The following RHOT1 variants were observed in gnomAD, a reference collection of about 807,000 sequenced individuals.
RHOT1 encodes the protein mitochondrial Rho GTPase 1.
Under a neutral mutation model 95.3 loss-of-function variants are expected in RHOT1, and 27 were observed. That is an observed-to-expected ratio of 0.28 (90% CI 0.21 to 0.39). RHOT1 has a LOEUF of 0.39. Among genes scored for constraint, RHOT1 ranks in the 10% least tolerant of loss-of-function variants. RHOT1 has a pLI of 1.00. For synonymous variants in RHOT1, 227 were observed against 263.5 expected (o/e 0.86, Z 1.34); for missense variants, 578 against 786.7 (o/e 0.73, Z 3.17).
At chr17:32,198,919 T>A in intron 11 of RHOT1, 28 bp from the exon 12 acceptor site, 1 of 1,430,570 alleles carries the variant, frequency 7.0e-7, no homozygotes, top group Non-Finnish European at 9.8e-7. Flanking sequence ...GATTAATGAT[T>A]TATTTTACTC....
At chr17:32,206,849 C>A in intron 16 of RHOT1, 61 bp from the exon 17 acceptor site, 2 of 1,194,588 alleles carry the variant, frequency 1.7e-6, no homozygotes, top group South Asian at 1.4e-5. Context: ...AATAAGCTAT[C>A]ATGACTTAAT....
At chr17:32,188,236 A>G (rs536558577) in intron 8 of RHOT1, among the ~76,000 whole-genome samples, 1 of 152,376 alleles carries the variant, frequency 6.6e-6, no homozygotes, top group Non-Finnish European at 1.5e-5. Flanking sequence ...ATGGGAAAGC[A>G]GATAAATATT....
At chr17:32,174,031 A>T in intron 3 of RHOT1, 119 bp downstream of exon 3, 1 of 722,016 alleles carries the variant, frequency 1.4e-6, no homozygotes, top group South Asian at 1.8e-5. Context: ...GCAGTAAATG[A>T]TCCTTTACGA....
intron 19 of RHOT1, among the ~76,000 whole-genome samples, chr17:32,219,893 C>T (rs2038719130): frequency 6.6e-6 from 1 of 152,110 alleles, no homozygotes; most frequent in African/African-American, 2.4e-5. Flanking sequence ...GATCTTATTC[C>T]ACATAGAGTA....
At chr17:32,192,067 T>A in intron 8 of RHOT1, 134 bp from the exon 9 acceptor site, 2 of 576,572 alleles carry the variant, frequency 3.5e-6, no homozygotes, top group South Asian at 4.9e-5. Context: ...GCATATAAAG[T>A]AAATGGCTTT....
intron 1 of RHOT1, among the ~76,000 whole-genome samples, chr17:32,149,712 T>A (rs1161555894): frequency 7.3e-6 from 1 of 136,414 alleles, no homozygotes; most frequent in East Asian, 2.2e-4. Flanking sequence ...TATACACACA[T>A]ACACATATAT....
At chr17:32,167,993 C>T (rs2034238235) in intron 1 of RHOT1, among the ~76,000 whole-genome samples, 1 of 151,840 alleles carries the variant, frequency 6.6e-6, no homozygotes, top group Admixed American at 6.6e-5. Flanking sequence ...ATGATCATCC[C>T]ACTATGCTCT....
intron 11 of RHOT1, among the ~76,000 whole-genome samples, chr17:32,197,532 T>G (rs1429623691): frequency 6.6e-6 from 1 of 151,932 alleles, no homozygotes; most frequent in Non-Finnish European, 1.5e-5. Context: ...TCATCGACAT[T>G]CTCCTACCTC....
intron 1 of RHOT1, among the ~76,000 whole-genome samples, chr17:32,167,705 C>A (rs1424089360): frequency 6.6e-6 from 1 of 152,182 alleles, no homozygotes; most frequent in East Asian, 1.9e-4. Context: ...GATATCTGCT[C>A]TCTAGCTATC....
chr17:32,158,673 T>A (rs1344703149), intron 1 of RHOT1, among the ~76,000 whole-genome samples: 1 of 151,966 alleles, frequency 6.6e-6, no homozygotes, highest in Non-Finnish European at 1.5e-5. Context: ...TTGGCCAGGC[T>A]GGTCTTGATC....
intron 1 of RHOT1, among the ~76,000 whole-genome samples, chr17:32,153,935 A>G (rs963006846): frequency 1.3e-5 from 2 of 152,174 alleles, no homozygotes; most frequent in African/African-American, 4.8e-5. Flanking sequence ...GGACTTCATA[A>G]CAGAGGCATT....
intron 14 of RHOT1, among the ~76,000 whole-genome samples, chr17:32,201,551 G>T (rs2037320265): frequency 6.6e-6 from 1 of 152,132 alleles, no homozygotes; most frequent in Non-Finnish European, 1.5e-5. Flanking sequence ...CATATCTTAT[G>T]GGAAGCCCTA....
At chr17:32,160,883 G>C (rs2033478503) in intron 1 of RHOT1, among the ~76,000 whole-genome samples, 1 of 152,184 alleles carries the variant, frequency 6.6e-6, no homozygotes, top group South Asian at 2.1e-4. Flanking sequence ...AGGCTGAGTG[G>C]GTGGAACGAG....
At chr17:32,176,415 C>T (rs2035003748) in intron 6 of RHOT1, among the ~76,000 whole-genome samples, 1 of 152,028 alleles carries the variant, frequency 6.6e-6, no homozygotes, top group Non-Finnish European at 1.5e-5. Context: ...TCATTTGAGG[C>T]AGTAGATATA....
chr17:32,180,780 A>G (rs1008051203), intron 6 of RHOT1, among the ~76,000 whole-genome samples: 2 of 151,604 alleles, frequency 1.3e-5, no homozygotes, highest in Non-Finnish European at 2.9e-5. Context: ...TGAATTAAAC[A>G]ATTTTGGCTT....
intron 1 of RHOT1, among the ~76,000 whole-genome samples, chr17:32,167,466 A>G (rs897318880): frequency 1.3e-5 from 2 of 152,124 alleles, no homozygotes; most frequent in African/African-American, 4.8e-5. Context: ...AGCTGGGACT[A>G]CAGGCACCCA....
intron 1 of RHOT1, chr17:32,150,292 T>C (rs1567650305): frequency 1.3e-5 from 3 of 237,612 alleles, no homozygotes; most frequent in South Asian, 1.6e-4. Context: ...AGATGTGCTA[T>C]TTTTTTTCCA....
intron 19 of RHOT1, among the ~76,000 whole-genome samples, chr17:32,220,195 C>A (rs2038741105): frequency 6.6e-6 from 1 of 151,920 alleles, no homozygotes; most frequent in African/African-American, 2.4e-5. Flanking sequence ...GACCCCATCT[C>A]TACAAGAAAA....
At chr17:32,199,893 C>T (rs922394003) in intron 13 of RHOT1, among the ~76,000 whole-genome samples, 12 of 150,494 alleles carry the variant, frequency 8.0e-5, no homozygotes, top group Admixed American at 5.3e-4. Context: ...GCATATTTTA[C>T]TTGACACTGA....
Sources: gnomAD v4.1 joint callset for allele counts (sites outside exome capture counted in the v4.1 genomes callset) on GRCh38, gnomAD v4.1.1 for gene constraint, MANE v1.5 for transcripts, NCBI Gene and HGNC (gene_info 2026-07-23, HGNC 2026-07-21) for gene names.